The following CADM2 variants were observed in gnomAD, a reference collection of about 807,000 sequenced individuals.
The protein encoded by CADM2 is cell adhesion molecule 2.
A neutral mutation model predicts 49.8 loss-of-function variants in CADM2; 12 were observed. That is an observed-to-expected ratio of 0.24 (90% CI 0.15 to 0.39). CADM2 has a LOEUF of 0.39. Among genes scored for constraint, CADM2 ranks in the 10% least tolerant of loss-of-function variants. CADM2 has a pLI of 1.00. For missense variants in CADM2, 378 were observed against 492.3 expected, an observed-to-expected ratio of 0.77 and a Z score of 2.20; for synonymous variants, 214 against 175.4, an observed-to-expected ratio of 1.22 and a Z score of -1.74.
At chr3:85,165,796 C>A (rs1183868704) in intron 1 of CADM2, among the ~76,000 whole-genome samples, 1 of 151,552 alleles carries the variant, frequency 6.6e-6, no homozygotes, top group Non-Finnish European at 1.5e-5. Context: ...CAGTATTTGC[C>A]TCTTAGGAAA....
chr3:85,901,007 CTAAT>C (rs1481556924), intron 5 of CADM2, among the ~76,000 whole-genome samples: 2 of 151,846 alleles, frequency 1.3e-5, no homozygotes, highest in Non-Finnish European at 2.9e-5. Context: ...AATTAACTCG[CTAAT>C]TAATTGATTA....
At chr3:85,351,987 T>C (rs938014714) in intron 1 of CADM2, among the ~76,000 whole-genome samples, 3 of 152,076 alleles carry the variant, frequency 2.0e-5, no homozygotes, top group Admixed American at 2.0e-4. Context: ...ATATATATAA[T>C]AGTAGTTATT....
At chr3:85,286,317 C>A (rs752712561) in intron 1 of CADM2, among the ~76,000 whole-genome samples, 2 of 152,128 alleles carry the variant, frequency 1.3e-5, no homozygotes, top group Non-Finnish European at 2.9e-5. Flanking sequence ...ATTCAACATT[C>A]GTAAGAGGAG....
intron 1 of CADM2, among the ~76,000 whole-genome samples, chr3:85,403,951 G>T (rs1277815987): frequency 6.6e-6 from 1 of 151,956 alleles, no homozygotes; most frequent in Non-Finnish European, 1.5e-5. Context: ...AAGCTGATCA[G>T]ATATTCAAAA....
intron 2 of CADM2, among the ~76,000 whole-genome samples, chr3:85,784,093 T>C (rs1179299495): frequency 6.6e-6 from 1 of 152,122 alleles, no homozygotes; most frequent in Non-Finnish European, 1.5e-5. Context: ...GCACACACAT[T>C]TGTCATTTCA....
chr3:85,320,063 A>G (rs1427245788), intron 1 of CADM2, among the ~76,000 whole-genome samples: 1 of 152,228 alleles, frequency 6.6e-6, no homozygotes, highest in Non-Finnish European at 1.5e-5. Context: ...AAAATGATTA[A>G]TACAACAATT....
chr3:85,537,605 A>G (rs1322723385), intron 1 of CADM2, among the ~76,000 whole-genome samples: 1 of 117,184 alleles, frequency 8.5e-6, no homozygotes, highest in Non-Finnish European at 2.0e-5. Flanking sequence ...ATTGTAGATT[A>G]TGCTATTTAA....
intron 2 of CADM2, among the ~76,000 whole-genome samples, chr3:85,793,648 T>C (rs999178038): frequency 7.2e-5 from 11 of 152,198 alleles, no homozygotes; most frequent in Admixed American, 1.3e-4. Context: ...TTTCACCTAC[T>C]TGATGCTCTG....
chr3:85,749,903 T>A (rs2068793254), intron 2 of CADM2, among the ~76,000 whole-genome samples: 1 of 152,022 alleles, frequency 6.6e-6, no homozygotes, highest in African/African-American at 2.4e-5. Context: ...ATTGTTGCTA[T>A]TTGGGTGCTT....
intron 7 of CADM2, among the ~76,000 whole-genome samples, chr3:85,941,749 G>A (rs1386241646): frequency 6.6e-6 from 1 of 152,060 alleles, no homozygotes; most frequent in Non-Finnish European, 1.5e-5. Flanking sequence ...TAAGTAGTTA[G>A]CAAGTTTTGA....
intron 1 of CADM2, among the ~76,000 whole-genome samples, chr3:85,002,418 T>C (rs1181315729): frequency 6.6e-5 from 10 of 152,110 alleles, no homozygotes; most frequent in Admixed American, 2.6e-4. Flanking sequence ...GTCAGTGTTA[T>C]GAAGATCAGA....
At chr3:85,734,322 T>A (rs1239806772) in intron 2 of CADM2, among the ~76,000 whole-genome samples, 2 of 151,892 alleles carry the variant, frequency 1.3e-5, no homozygotes, top group Non-Finnish European at 2.9e-5. Flanking sequence ...AATGCCCAAA[T>A]AGGAGAAGTC....
chr3:85,809,763 C>CTCTCT (rs2072718688), intron 3 of CADM2, among the ~76,000 whole-genome samples: 2 of 51,928 alleles, frequency 3.9e-5, no homozygotes, highest in Admixed American at 1.8e-4. Flanking sequence ...TCCCTCCCTC[C>CTCTCT]CTCTCTCTCT....
In CADM2 at chr3:84,959,456, C is replaced by A; in HGVS notation, c.-152C>A. 1 of 663,922 alleles carries A rather than the reference C, an allele frequency of 1.5e-6. No individual in the cohort carries two copies. The highest frequency in any genetic ancestry group is 2.5e-6 in the Non-Finnish European group (1 of 396,720). The allele number at this position is 663,922 out of a possible 1,614,324, so 41.1% of individuals were successfully genotyped here. On this transcript the variant is annotated 5_prime_UTR_variant, in exon 1 of 10. Transcript: ENST00000383699. ...GCTGCCGCTTCTGCTGCCGCCGATC[C>A]GAGTCCGCGGGTTCGAACACCGCAG...
intron 2 of CADM2, among the ~76,000 whole-genome samples, chr3:85,750,308 T>G (rs1255688950): frequency 6.6e-6 from 1 of 152,106 alleles, no homozygotes; most frequent in East Asian, 1.9e-4. Flanking sequence ...GTGTGTTCTC[T>G]GCTACTTAAT....
chr3:85,373,275 C>T (rs1274363956), intron 1 of CADM2, among the ~76,000 whole-genome samples: 1 of 152,112 alleles, frequency 6.6e-6, no homozygotes, highest in Admixed American at 6.5e-5. Flanking sequence ...AGGCTACAGG[C>T]CCCAAGGAAA....
intron 1 of CADM2, among the ~76,000 whole-genome samples, chr3:85,498,513 G>A (rs1034691889): frequency 1.3e-5 from 2 of 152,148 alleles, no homozygotes; most frequent in Non-Finnish European, 2.9e-5. Flanking sequence ...TTGTGAACTC[G>A]AGATTGCATC....
At chr3:85,358,418 A>G (rs1011621070) in intron 1 of CADM2, among the ~76,000 whole-genome samples, 1 of 152,150 alleles carries the variant, frequency 6.6e-6, no homozygotes, top group African/African-American at 2.4e-5. Flanking sequence ...GTTCAGAACC[A>G]GGGAAAATAT....
intron 1 of CADM2, among the ~76,000 whole-genome samples, chr3:84,975,859 G>T (rs2107114140): frequency 6.6e-6 from 1 of 151,948 alleles, no homozygotes; most frequent in East Asian, 1.9e-4. Flanking sequence ...TGAATGCACT[G>T]CTAGACCTCT....
Sources: gnomAD v4.1 joint callset for allele counts (sites outside exome capture counted in the v4.1 genomes callset) on GRCh38, gnomAD v4.1.1 for gene constraint, MANE v1.5 for transcripts, NCBI Gene and HGNC (gene_info 2026-07-23, HGNC 2026-07-21) for gene names.